Variants in ITFG1 observed in about 807,000 individuals in gnomAD.
ITFG1 encodes T-cell immunomodulatory protein.
In ITFG1, 34 loss-of-function variants were observed where a neutral mutation model predicts 81.8. That is an observed-to-expected ratio of 0.42 (90% CI 0.32 to 0.55). The LOEUF (loss-of-function observed/expected upper bound fraction) is 0.55, where lower values mean the gene tolerates loss of function less well. Ranked by LOEUF, ITFG1 falls within the 20% of genes least tolerant of loss-of-function variation. The probability of loss-of-function intolerance (pLI) is 0.17; values close to 1 mark genes in which losing one functional copy is unlikely to be tolerated. For synonymous variants in ITFG1, 285 were observed against 270.6 expected, an observed-to-expected ratio of 1.05 and a Z score of -0.52; for missense variants, 672 against 755.4, an observed-to-expected ratio of 0.89 and a Z score of 1.29.
At chr16:47,283,265 G>A (rs774886101) in intron 10 of ITFG1, among the ~76,000 whole-genome samples, 2 of 152,092 alleles carry the variant, frequency 1.3e-5, no homozygotes, top group South Asian at 4.1e-4. Flanking sequence ...TGTATATGGT[G>A]AGAGACAGGG....
intron 8 of ITFG1, among the ~76,000 whole-genome samples, chr16:47,351,356 A>G (rs1484424099): frequency 6.6e-6 from 1 of 152,248 alleles, no homozygotes; most frequent in Non-Finnish European, 1.5e-5. Flanking sequence ...AAGCAACTTC[A>G]GCAAAGTCTC....
At chr16:47,395,823 C>A (rs892187037) in intron 6 of ITFG1, among the ~76,000 whole-genome samples, 1 of 152,210 alleles carries the variant, frequency 6.6e-6, no homozygotes, top group Non-Finnish European at 1.5e-5. Flanking sequence ...GTTTCAAACA[C>A]TTTCATGCAT....
intron 10 of ITFG1, among the ~76,000 whole-genome samples, chr16:47,268,374 T>G (rs1966302021): frequency 1.3e-5 from 2 of 152,088 alleles, no homozygotes; most frequent in African/African-American, 4.8e-5. Flanking sequence ...TGTAACAGTC[T>G]CCAAAAAAGA....
chr16:47,177,693 G>C (rs1041881249), intron 14 of ITFG1, among the ~76,000 whole-genome samples: 18 of 152,082 alleles, frequency 1.2e-4, no homozygotes, highest in African/African-American at 3.9e-4. Flanking sequence ...GAATATTCTG[G>C]ATAACAGAAG....
intron 14 of ITFG1, among the ~76,000 whole-genome samples, chr16:47,206,440 CA>C (rs1230262818): frequency 1.3e-5 from 2 of 152,172 alleles, no homozygotes; most frequent in Non-Finnish European, 2.9e-5. Flanking sequence ...AGTATGTTCT[CA>C]GAGTTGGGCA....
chr16:47,178,555 C>T (rs1965058301), intron 14 of ITFG1, among the ~76,000 whole-genome samples: 1 of 152,152 alleles, frequency 6.6e-6, no homozygotes, highest in Non-Finnish European at 1.5e-5. Flanking sequence ...CCCTTCCTTA[C>T]ACCTTATACA....
At chr16:47,209,057 A>C (rs1320302674) in intron 14 of ITFG1, among the ~76,000 whole-genome samples, 1 of 152,232 alleles carries the variant, frequency 6.6e-6, no homozygotes, top group Admixed American at 6.5e-5. Flanking sequence ...TTGAGAATTA[A>C]AAATTGAGCC....
At chr16:47,253,829 G>A (rs562281566) in intron 12 of ITFG1, among the ~76,000 whole-genome samples, 34 of 152,232 alleles carry the variant, frequency 2.2e-4, no homozygotes, top group African/African-American at 7.7e-4. Flanking sequence ...CCCTCCGGCC[G>A]TTCACCTCCT....
intron 10 of ITFG1, among the ~76,000 whole-genome samples, chr16:47,282,487 C>A (rs1049156948): frequency 1.3e-5 from 2 of 152,018 alleles, no homozygotes; most frequent in Non-Finnish European, 2.9e-5. Context: ...TTTATCCAAT[C>A]ATCTGTTGAT....
intron 14 of ITFG1, among the ~76,000 whole-genome samples, chr16:47,175,343 T>C (rs1270633688): frequency 1.3e-5 from 2 of 150,566 alleles, no homozygotes; most frequent in Non-Finnish European, 3.0e-5. Context: ...ATTATATTAA[T>C]ACATAAATTA....
chr16:47,270,650 TA>T (rs1338353512), intron 10 of ITFG1, among the ~76,000 whole-genome samples: 1 of 152,230 alleles, frequency 6.6e-6, no homozygotes, highest in African/African-American at 2.4e-5. Context: ...GATATAGATC[TA>T]ATTGCTCATC....
chr16:47,456,557 C>T (rs936800445), intron 2 of ITFG1, among the ~76,000 whole-genome samples: 1 of 151,834 alleles, frequency 6.6e-6, no homozygotes, highest in Non-Finnish European at 1.5e-5. Context: ...CTGGGCGTGG[C>T]GTTGTGCACC....
chr16:47,436,884 T>C (rs866435810), intron 5 of ITFG1, among the ~76,000 whole-genome samples: 1 of 152,152 alleles, frequency 6.6e-6, no homozygotes, highest in Non-Finnish European at 1.5e-5. Flanking sequence ...CCAAAGGCAT[T>C]ACAAACGTTT....
chr16:47,181,486 C>A (rs1373270088), intron 14 of ITFG1, among the ~76,000 whole-genome samples: 2 of 143,748 alleles, frequency 1.4e-5, no homozygotes, highest in African/African-American at 2.6e-5. Context: ...CCAGCCGCCC[C>A]GTCCGGGAGG....
In ITFG1 at chr16:47,175,776, C is replaced by T. The variant is rs1672767268; in HGVS notation, c.1454-13112G>A. The stretch of plus-strand genomic sequence containing the variant: ...TTGTGGCAATTTTTTGTGATGCAGT[C>T]TTGCTATGTGGCTCAGGTAGGAGTG... On this transcript the variant is annotated intron_variant, in intron 14 of 17. Coordinates refer to ENST00000320640, the MANE Select transcript of ITFG1 (RefSeq NM_030790.5). Among the ~76,000 whole-genome samples, 5 of 152,174 alleles carry T rather than the reference C, an allele frequency of 3.3e-5. No individual in the cohort carries two copies. In the South Asian group the frequency reaches 1.0e-3, roughly 32 times the overall value.
intron 13 of ITFG1, among the ~76,000 whole-genome samples, chr16:47,224,953 T>G (rs1272754336): frequency 6.6e-6 from 1 of 152,060 alleles, no homozygotes; most frequent in Non-Finnish European, 1.5e-5. Context: ...GAGCCATGAT[T>G]GCACCACTGC....
rs544895364 is a variant in ITFG1 at position 47,182,179 on chromosome 16, T to TA, written c.1454-19516dup. ...CGAGAAACATCCAAGAATGATCAATTAAAAAAAAAAAAAACAAAAAAACAG... is the reference window on the plus strand; with the variant it reads ...CGAGAAACATCCAAGAATGATCAATTAAAAAAAAAAAAAAACAAAAAAACAG... On this transcript the variant is annotated intron_variant, in intron 14 of 17. Coordinates refer to ENST00000320640, the MANE Select transcript of ITFG1 (RefSeq NM_030790.5). Among the ~76,000 whole-genome samples the TA allele has an allele frequency of 9.1e-3, 1,155 of 126,786 alleles. 6 individuals carry two copies. The highest frequency in any genetic ancestry group is 0.022 in the African/African-American group (761 of 34,404). The allele number at this position is 126,786 out of a possible 152,430, so 83.2% of individuals were successfully genotyped here.
intron 10 of ITFG1, among the ~76,000 whole-genome samples, chr16:47,266,611 A>G (rs1966279562): frequency 6.6e-6 from 1 of 152,242 alleles, no homozygotes; most frequent in Non-Finnish European, 1.5e-5. Context: ...GGAGACATGT[A>G]AAATGGTACA....
chr16:47,305,524 T>A (rs1161018387), intron 10 of ITFG1, among the ~76,000 whole-genome samples: 7 of 151,980 alleles, frequency 4.6e-5, no homozygotes, highest in Admixed American at 3.9e-4. Flanking sequence ...CCTAAGAGAA[T>A]GAAACAGAAG....
Sources: gnomAD v4.1 joint callset for allele counts (sites outside exome capture counted in the v4.1 genomes callset) on GRCh38, gnomAD v4.1.1 for gene constraint, MANE v1.5 for transcripts, NCBI Gene and HGNC (gene_info 2026-07-23, HGNC 2026-07-21) for gene names.